Variants in CNIH3 observed in about 807,000 individuals in gnomAD.
CNIH3 encodes the protein cornichon family AMPA receptor auxiliary protein 3.
CNIH3 carries 14 observed loss-of-function variants against 24.1 expected under a neutral mutation model. That is an observed-to-expected ratio of 0.58 (90% CI 0.38 to 0.91). The LOEUF is 0.91. CNIH3 is among the 40% of genes least tolerant of loss of function. The pLI, the probability that CNIH3 is intolerant of heterozygous loss-of-function variation, is 0.00. For missense variants in CNIH3, 178 were observed against 196.8 expected, an observed-to-expected ratio of 0.90 and a Z score of 0.57; for synonymous variants, 68 against 73.8, an observed-to-expected ratio of 0.92 and a Z score of 0.40.
At chr1:224,685,340 C>T (rs1686602850) in intron 3 of CNIH3, among the ~76,000 whole-genome samples, 1 of 152,188 alleles carries the variant, frequency 6.6e-6, no homozygotes, top group South Asian at 2.1e-4. Context: ...AAGGCAGAGT[C>T]ACGTCATTCA....
chr1:224,601,839 C>G (rs911554559), intron 3 of CNIH3, among the ~76,000 whole-genome samples: 1 of 152,224 alleles, frequency 6.6e-6, no homozygotes, highest in Non-Finnish European at 1.5e-5. Context: ...GGATTAACAT[C>G]TTTCATTGTA....
chr1:224,694,953 G>T (rs916085660), intron 3 of CNIH3, among the ~76,000 whole-genome samples: 5 of 152,122 alleles, frequency 3.3e-5, no homozygotes, highest in African/African-American at 1.2e-4. Flanking sequence ...GTGGGAGGGG[G>T]TGAGGGATAA....
At chr1:224,680,820 C>T in intron 1 of CNIH3, 138 bp from the exon 2 acceptor site, 7 of 665,006 alleles carry the variant, frequency 1.1e-5, no homozygotes, top group Non-Finnish European at 1.9e-5. Flanking sequence ...TCGACAGTGA[C>T]CAGCTGCTGG....
At chr1:224,665,709 T>C (rs1685567543) in intron 1 of CNIH3, among the ~76,000 whole-genome samples, 1 of 152,172 alleles carries the variant, frequency 6.6e-6, no homozygotes, top group African/African-American at 2.4e-5. Flanking sequence ...AGATTTAGGG[T>C]TTATGGACCT....
intron 3 of CNIH3, among the ~76,000 whole-genome samples, chr1:224,706,958 C>CTTTTT (rs71170031): frequency 7.5e-4 from 62 of 82,128 alleles, no homozygotes; most frequent in South Asian, 1.6e-3. Flanking sequence ...TCCTTTCTTT[C>CTTTTT]TTTTTTTTTT....
intron 1 of CNIH3, among the ~76,000 whole-genome samples, chr1:224,510,609 CAAAA>C (rs375132413): frequency 9.6e-6 from 1 of 104,248 alleles, no homozygotes; most frequent in South Asian, 2.8e-4. Context: ...AAAAAAAAAA[CAAAA>C]AAAAAACAAA....
At position 224,730,776 on chromosome 1, in the gene CNIH3, A is replaced by G. The variant is rs191333652; in HGVS notation, c.311+202A>G. On this transcript the variant is annotated intron_variant, in intron 4 of 5. Transcript: ENST00000272133. ...AAAGGCCCTTTTTGTTGGTTTCATT[A>G]ACCACAACCCCATCCCTTGTAGGTC... The G allele has an allele frequency of 6.9e-4, 367 of 532,984 alleles. 2 individuals carry two copies. The highest frequency in any genetic ancestry group is 3.3e-3 in the African/African-American group (175 of 53,114). The allele number at this position is 532,984 out of a possible 1,614,324, so 33.0% of individuals were successfully genotyped here.
At position 224,568,036 on chromosome 1, in the gene CNIH3, A is replaced by G. The variant is rs139128087; in HGVS notation, n.516+1772A>G. Among the ~76,000 whole-genome samples, 47 of 152,304 alleles carry G rather than the reference A, an allele frequency of 3.1e-4. No homozygotes were observed. In the East Asian group the frequency reaches 7.5e-3, roughly 24 times the overall value. ...GCCAGGCACGGTGGCTCAAGCCTGT[A>G]ATCCCAGCACTTTGGGAGGACAAGG... On this transcript the variant is annotated intron_variant and non_coding_transcript_variant, in intron 4 of 5. Coordinates refer to the CNIH3 transcript ENST00000471578.
chr1:224,625,931 G>T (rs1683504127), intron 1 of CNIH3, among the ~76,000 whole-genome samples: 1 of 150,440 alleles, frequency 6.6e-6, no homozygotes, highest in South Asian at 2.2e-4. Flanking sequence ...CTGCTATCTT[G>T]TAATACCCAT....
At chr1:224,495,481 T>C (rs906780776) in intron 1 of CNIH3, among the ~76,000 whole-genome samples, 7 of 152,196 alleles carry the variant, frequency 4.6e-5, no homozygotes, top group African/African-American at 1.7e-4. Flanking sequence ...TCAGGCTAGG[T>C]GCTGGGGATA....
At chr1:224,444,688 A>G (rs2102951745) in intron 1 of CNIH3, among the ~76,000 whole-genome samples, 1 of 151,256 alleles carries the variant, frequency 6.6e-6, no homozygotes, top group South Asian at 2.1e-4. Context: ...TCTGTCACCC[A>G]GGCTGGAGTG....
At chr1:224,611,485 T>C (rs934828497), upstream of CNIH3, 2 of 152,224 alleles carry the variant, frequency 1.3e-5, no homozygotes, top group Non-Finnish European at 1.5e-5. Context: ...GGCTTGATCA[T>C]GTTGTCAGTG....
chr1:224,437,572 C>A (rs1438254124), intron 1 of CNIH3, among the ~76,000 whole-genome samples: 1 of 152,054 alleles, frequency 6.6e-6, no homozygotes, highest in African/African-American at 2.4e-5. Flanking sequence ...TCATATAAGC[C>A]AGTATTTTTC....
intron 3 of CNIH3, among the ~76,000 whole-genome samples, chr1:224,707,004 C>T (rs1338366452): frequency 6.9e-6 from 1 of 145,518 alleles, no homozygotes; most frequent in Non-Finnish European, 1.5e-5. Flanking sequence ...TGCTCTGTCA[C>T]CCAGTCTGGA....
chr1:224,609,925 A>G (rs1682605800), intron 3 of CNIH3, among the ~76,000 whole-genome samples: 1 of 152,252 alleles, frequency 6.6e-6, no homozygotes, highest in South Asian at 2.1e-4. Context: ...CTTTACAGAC[A>G]GTCCCCGACT....
At chr1:224,682,047 T>C (rs2125145379) in intron 2 of CNIH3, among the ~76,000 whole-genome samples, 1 of 152,176 alleles carries the variant, frequency 6.6e-6, no homozygotes, top group East Asian at 1.9e-4. Context: ...GTTTGTGGCG[T>C]CATTCAGCAG....
chr1:224,436,054 G>T (rs1033512459), intron 1 of CNIH3, among the ~76,000 whole-genome samples: 7 of 152,180 alleles, frequency 4.6e-5, no homozygotes, highest in Non-Finnish European at 1.0e-4. Flanking sequence ...AATTAGTAAA[G>T]AATCCTGAGG....
intron 1 of CNIH3, among the ~76,000 whole-genome samples, chr1:224,644,080 G>A (rs746277289): frequency 6.6e-6 from 1 of 152,212 alleles, no homozygotes; most frequent in Non-Finnish European, 1.5e-5. Context: ...GTCAGGGACC[G>A]AGTGGGGCTT....
chr1:224,461,535 G>A (rs190589288), intron 1 of CNIH3, among the ~76,000 whole-genome samples: 22 of 152,176 alleles, frequency 1.4e-4, no homozygotes, highest in East Asian at 1.2e-3. Flanking sequence ...ACCTATGGAC[G>A]TATGTATTTA....
Sources: allele counts gnomAD v4.1 joint callset (sites outside exome capture counted in the v4.1 genomes callset), GRCh38; gene constraint gnomAD v4.1.1; transcripts MANE v1.5; gene names NCBI Gene and HGNC (gene_info 2026-07-23, HGNC 2026-07-21).